The following PPIP5K2 variants were observed in gnomAD, a reference collection of about 807,000 sequenced individuals.
The protein encoded by PPIP5K2 is diphosphoinositol pentakisphosphate kinase 2.
Under a neutral mutation model 154.6 loss-of-function variants are expected in PPIP5K2, and 105 were observed. The observed-to-expected ratio is 0.68, with a 90% CI of 0.58 to 0.80. The LOEUF (loss-of-function observed/expected upper bound fraction) is 0.80. Ranked by LOEUF, PPIP5K2 falls within the 30% of genes least tolerant of loss-of-function variation. The probability of loss-of-function intolerance (pLI) is 0.00; values close to 1 mark genes in which losing one functional copy is unlikely to be tolerated. For synonymous variants in PPIP5K2, 480 were observed against 490.3 expected (o/e 0.98, Z 0.28); for missense variants, 992 against 1,504.6 (o/e 0.66, Z 5.64).
intron 5 of PPIP5K2, among the ~76,000 whole-genome samples, chr5:103,139,098 T>C (rs1792090716): frequency 6.6e-6 from 1 of 152,220 alleles, no homozygotes; most frequent in African/African-American, 2.4e-5. Flanking sequence ...AAGTATTTAT[T>C]AATATTTTAA....
intron 1 of PPIP5K2, among the ~76,000 whole-genome samples, chr5:103,126,904 A>G (rs1247848880): frequency 6.6e-6 from 1 of 152,090 alleles, no homozygotes; most frequent in Non-Finnish European, 1.5e-5. Context: ...CATGATCAAT[A>G]CTTTGCATCC....
chr5:103,184,705 C>G lies in PPIP5K2; in HGVS notation c.3130C>G (p.Pro1044Ala), dbSNP rs782110003. Residue 1044 changes from proline to alanine, a missense_variant, in exon 26 of 31, where the codon CCA (proline) becomes GCA (alanine). Coordinates refer to ENST00000358359, the MANE Select transcript of PPIP5K2 (RefSeq NM_001276277.3). ...TGAAAATGCTAATTACCTGAGAACA[C>G]CAAGAACTCTTGTGGAACAGAAGCA... Reference protein sequence around the residue: ...VSENANYLRTPRTLVEQKQNP... With the variant: ...VSENANYLRTARTLVEQKQNP... 1.2e-6 allele frequency: 2 copies of G among 1,612,698 alleles called. No individual in the cohort carries two copies. Among genetic ancestry groups the G allele is most frequent in the East Asian group, 2.2e-5 (1 of 44,794 alleles).
rs782719848 is a variant in PPIP5K2, at chr5:103,209,362, C to A, written c.*7728C>A. 4 of 151,880 alleles carry A rather than the reference C, an allele frequency of 2.6e-5. No homozygotes were observed. The highest frequency in any genetic ancestry group is 3.4e-3 in the Middle Eastern group (1 of 294). 9.4% of individuals were successfully genotyped at this position (151,880 alleles called of 1,614,324 possible). ...TCTAGCATCTTCTCCTTTTAAAAAT[C>A]TTTAAAATAAGAGAATTCAGTTCTT... On this transcript the variant is annotated 3_prime_UTR_variant, in exon 31 of 31. Transcript: ENST00000358359.
intron 5 of PPIP5K2, among the ~76,000 whole-genome samples, chr5:103,142,274 C>T (rs553166968): frequency 3.9e-5 from 6 of 152,286 alleles, no homozygotes; most frequent in African/African-American, 7.2e-5. Context: ...GCCACTGGCC[C>T]GGGTGCTAAG....
chr5:103,155,618 G>C (rs953512704), intron 13 of PPIP5K2, among the ~76,000 whole-genome samples: 4 of 151,152 alleles, frequency 2.6e-5, no homozygotes, highest in Non-Finnish European at 5.9e-5. Flanking sequence ...AGTGGAGACA[G>C]TTTCACCATG....
At chr5:103,158,142 A>T (rs782677699) in intron 14 of PPIP5K2, 46 bp from the exon 15 acceptor site, 3 of 1,582,430 alleles carry the variant, frequency 1.9e-6, no homozygotes, top group South Asian at 1.1e-5. Context: ...AGTCTGTTTA[A>T]AGAAATAAAC....
At chr5:103,161,918 A>G (rs1483562457) in intron 17 of PPIP5K2, among the ~76,000 whole-genome samples, 5 of 151,796 alleles carry the variant, frequency 3.3e-5, no homozygotes, top group Non-Finnish European at 4.4e-5. Context: ...GTTCACTCTG[A>G]TGGTAGTTTC....
chr5:103,211,929 T>C lies in PPIP5K2; in HGVS notation c.*10295T>C, dbSNP rs782390844. ...ATATGTTACAGGTGAAAAGCAAGAA[T>C]TAAAACTAGTTATCTGAATGTAAAA... On this transcript the variant is annotated 3_prime_UTR_variant, in exon 31 of 31. Transcript: ENST00000358359. The C allele has an allele frequency of 2.6e-5, 4 of 152,140 alleles. No homozygotes were observed. Among genetic ancestry groups the C allele is most frequent in the Non-Finnish European group, 5.9e-5 (4 of 67,998 alleles). The allele number at this position is 152,140 out of a possible 1,614,324, so 9.4% of individuals were successfully genotyped here.
At chr5:103,141,836 A>C (rs113341528) in intron 5 of PPIP5K2, among the ~76,000 whole-genome samples, 3,614 of 152,272 alleles carry the variant, frequency 0.024, 150 homozygotes, top group African/African-American at 0.082. Context: ...CCAGAGAGCT[A>C]GATACAGAGT....
intron 29 of PPIP5K2, 81 bp downstream of exon 29, chr5:103,191,063 C>T: frequency 7.3e-7 from 1 of 1,363,428 alleles, no homozygotes; most frequent in African/African-American, 1.5e-5. Context: ...ATTATAACAA[C>T]ATAAAAGCAG....
chr5:103,187,266 T>G (rs1458807508), intron 27 of PPIP5K2, 48 bp from the exon 28 acceptor site: 17 of 1,416,018 alleles, frequency 1.2e-5, no homozygotes, highest in Non-Finnish European at 1.6e-5. Flanking sequence ...TTAAGTGTTC[T>G]TTTTGTAGCT....
rs1554223686 is a variant in PPIP5K2, at chr5:103,183,288, T to C, written c.2977T>C (p.Tyr993His). The C allele has an allele frequency of 6.4e-7, 1 of 1,556,104 alleles. No individual in the cohort carries two copies. Among genetic ancestry groups the C allele is most frequent in the East Asian group, 2.5e-5 (1 of 39,732 alleles). ...AGAGGGTACTGGTACCTGGCTGCAT[T>C]ATACCAGTGGTGTGGGTACTGGGCG... is the stretch of plus-strand genomic sequence containing the variant. ...SPEGTGTWLHYTSGVGTGRRR... is the reference protein window; with the variant it reads ...SPEGTGTWLHHTSGVGTGRRR... Residue 993 changes from tyrosine (Y) to histidine (H), a missense_variant, in exon 25 of 31, where the codon TAT (tyrosine) becomes CAT (histidine). Physicochemically the swap from Tyr to His is moderately conservative, Grantham distance 83. Transcript: ENST00000358359.
chr5:103,175,426 T>A (rs1294494697), intron 21 of PPIP5K2, among the ~76,000 whole-genome samples: 1 of 152,108 alleles, frequency 6.6e-6, no homozygotes, highest in East Asian at 1.9e-4. Flanking sequence ...CAAAAAAGCT[T>A]GTATATCCAG....
chr5:103,190,154 T>A (rs1400182714), intron 28 of PPIP5K2, among the ~76,000 whole-genome samples: 1 of 152,074 alleles, frequency 6.6e-6, no homozygotes, highest in East Asian at 1.9e-4. Flanking sequence ...TTTGCATGAT[T>A]GTTTCATAAA....
At chr5:103,152,953 AATT>A (rs544718434) in intron 10 of PPIP5K2, among the ~76,000 whole-genome samples, 20 of 152,004 alleles carry the variant, frequency 1.3e-4, no homozygotes, top group Middle Eastern at 3.4e-3. Flanking sequence ...ATGCCTGGAT[AATT>A]ATAGAATTGT....
chr5:103,135,589 T>G (rs1554203908), intron 3 of PPIP5K2, among the ~76,000 whole-genome samples: 1 of 152,038 alleles, frequency 6.6e-6, no homozygotes. Flanking sequence ...ACCACTACCC[T>G]CAGCTGATTC....
In PPIP5K2 at chr5:103,205,371, G is replaced by T. The variant is rs1484339555; in HGVS notation, c.*3737G>T. On this transcript the variant is annotated 3_prime_UTR_variant, in exon 31 of 31. Coordinates refer to ENST00000358359, the MANE Select transcript of PPIP5K2 (RefSeq NM_001276277.3). ...TGGGTATATACCCAGTAATGGGATG[G>T]CTGGGTCAAATGGTATTTCTAGTTC... 1 of 152,152 alleles carries T rather than the reference G, an allele frequency of 6.6e-6. No individual in the cohort carries two copies. The allele number at this position is 152,152 out of a possible 1,614,324, so 9.4% of individuals were successfully genotyped here.
intron 16 of PPIP5K2, among the ~76,000 whole-genome samples, chr5:103,158,902 G>A (rs180825646): frequency 1.6e-4 from 25 of 151,996 alleles, no homozygotes; most frequent in African/African-American, 5.3e-4. Context: ...GCACTCTACC[G>A]CAGGCAACAG....
rs183459038 is a variant in PPIP5K2, at chr5:103,168,887, G to T, written c.2286+592G>T. ...AAACTAAAGAATGGAAAACAGTATG[G>T]AATAAATCAATTAAGCATTTATTGA... On this transcript the variant is annotated intron_variant, in intron 19 of 30. Coordinates refer to ENST00000358359, the MANE Select transcript of PPIP5K2 (RefSeq NM_001276277.3). Among the ~76,000 whole-genome samples, 291 of 151,780 alleles carry T rather than the reference G, an allele frequency of 1.9e-3. 1 individual carries two copies. Among genetic ancestry groups the T allele is most frequent in the Non-Finnish European group, 6.6e-4 (45 of 67,830 alleles).
Sources: gnomAD v4.1 joint callset for allele counts (sites outside exome capture counted in the v4.1 genomes callset) on GRCh38, gnomAD v4.1.1 for gene constraint, MANE v1.5 for transcripts, NCBI Gene and HGNC (gene_info 2026-07-23, HGNC 2026-07-21) for gene names.